Variants in LRRIQ1 observed in about 807,000 individuals in gnomAD.
The protein encoded by LRRIQ1 is leucine-rich repeat- and IQ domain-containing protein 1.
In LRRIQ1, 210 loss-of-function variants were observed where a neutral mutation model predicts 211.9. That is an observed-to-expected ratio of 0.99 (90% confidence interval 0.89 to 1.11). The LOEUF (loss-of-function observed/expected upper bound fraction) is 1.11, where lower values mean the gene tolerates loss of function less well. LRRIQ1 is among the 50% of genes most tolerant of loss of function. LRRIQ1 has a pLI of 0.00. For missense variants in LRRIQ1, 2,136 were observed against 1,939.5 expected, an observed-to-expected ratio of 1.10 and a Z score of -1.90; for synonymous variants, 699 against 650.1, an observed-to-expected ratio of 1.08 and a Z score of -1.14.
chr12:85,129,624 A>C (rs1184515438), intron 18 of LRRIQ1, among the ~76,000 whole-genome samples: 2 of 152,184 alleles, frequency 1.3e-5, no homozygotes, highest in Non-Finnish European at 2.9e-5. Flanking sequence ...TGTGGGAAGA[A>C]TATTCGAGGC....
chr12:85,205,591 T>C (rs1186824069), intron 24 of LRRIQ1, among the ~76,000 whole-genome samples: 1 of 152,100 alleles, frequency 6.6e-6, no homozygotes, highest in Non-Finnish European at 1.5e-5. Context: ...AGGGTCTCCT[T>C]ATGTAGTATT....
downstream of LRRIQ1, among the ~76,000 whole-genome samples, chr12:85,248,254 AAC>A (rs1393479455): frequency 2.8e-4 from 43 of 151,694 alleles, no homozygotes; most frequent in East Asian, 7.7e-4. Context: ...AAACTCAGGA[AAC>A]TAACTAATTT....
intron 1 of LRRIQ1, among the ~76,000 whole-genome samples, chr12:85,253,883 A>G (rs1178758832): frequency 3.3e-5 from 5 of 152,066 alleles, no homozygotes; most frequent in Admixed American, 3.3e-4. Flanking sequence ...TTCTATTTCT[A>G]ATATATATCT....
chr12:85,161,066 T>G (rs1890847268), intron 24 of LRRIQ1, among the ~76,000 whole-genome samples: 1 of 152,092 alleles, frequency 6.6e-6, no homozygotes, highest in Non-Finnish European at 1.5e-5. Context: ...CATGTCGAAA[T>G]GATATTCTGT....
rs1299975231 is a variant in LRRIQ1 at position 85,055,879 on chromosome 12, AG to A, written c.1087del (p.Glu363AsnfsTer9). ...KEEERKRREK[E>X]YEEKKNIVKQ... ...AAGAGGAAAGGAAAAGGAGAGAAAA[AG>A]AATATGAAGAAAAAAAGAATATTGT... On this transcript the variant is annotated frameshift_variant, in exon 8 of 27. Coordinates refer to ENST00000393217, the MANE Select transcript of LRRIQ1 (RefSeq NM_001079910.2). LOFTEE classifies it high-confidence loss of function. The A allele has an allele frequency of 1.3e-6, 2 of 1,593,928 alleles. No individual in the cohort carries two copies. Among genetic ancestry groups the A allele is most frequent in the African/African-American group, 2.7e-5 (2 of 73,408 alleles).
At chr12:85,067,412 A>G (rs1474912871) in intron 10 of LRRIQ1, among the ~76,000 whole-genome samples, 1 of 151,932 alleles carries the variant, frequency 6.6e-6, no homozygotes, top group South Asian at 2.1e-4. Context: ...ACATGTAACT[A>G]TATTGACTTC....
chr12:85,170,228 G>A (rs1241468373), intron 24 of LRRIQ1, among the ~76,000 whole-genome samples: 1 of 149,520 alleles, frequency 6.7e-6, no homozygotes, highest in African/African-American at 2.5e-5. Flanking sequence ...GAATATTTGT[G>A]TTCTATTCCA....
At chr12:85,217,508 A>ATATATG (rs1216212048) in intron 24 of LRRIQ1, among the ~76,000 whole-genome samples, 24 of 64,256 alleles carry the variant, frequency 3.7e-4, no homozygotes, top group African/African-American at 5.7e-4. Context: ...ATATATATAT[A>ATATATG]TGTGTGTGTG....
intron 2 of LRRIQ1, 126 bp downstream of exon 2, chr12:85,038,434 T>C (rs1253245456): frequency 4.2e-6 from 2 of 471,102 alleles, no homozygotes; most frequent in Non-Finnish European, 6.3e-6. Context: ...TATATAAATA[T>C]AAATTATATT....
intron 14 of LRRIQ1, among the ~76,000 whole-genome samples, chr12:85,104,326 C>T (rs1189347127): frequency 6.6e-6 from 1 of 151,898 alleles, no homozygotes; most frequent in Admixed American, 6.6e-5. Flanking sequence ...ACATCTTTTA[C>T]TTATGAAATA....
chr12:85,088,962 A>G (rs975748822), intron 11 of LRRIQ1, among the ~76,000 whole-genome samples: 1 of 152,178 alleles, frequency 6.6e-6, no homozygotes, highest in Non-Finnish European at 1.5e-5. Context: ...CCCTGGCCAA[A>G]ACTTCCAACA....
intron 24 of LRRIQ1, among the ~76,000 whole-genome samples, chr12:85,190,810 G>A (rs1892476881): frequency 6.6e-6 from 1 of 151,862 alleles, no homozygotes; most frequent in Non-Finnish European, 1.5e-5. Context: ...GTCTTTAGTA[G>A]ATGATAACTT....
rs369484707 is a variant in LRRIQ1 at position 85,098,955 on chromosome 12, G to A, written c.3170G>A (p.Trp1057Ter). The change falls in exon 13 of 27, where the codon TGG becomes TAG. Residue 1057 changes from tryptophan to a stop codon, truncating the protein, a stop_gained. Coordinates refer to ENST00000393217, the MANE Select transcript of LRRIQ1 (RefSeq NM_001079910.2). LOFTEE classifies it high-confidence loss of function. ...ISTVEAFSSY[W>*]LPLLQNITIS... ...ACTGTGGAAGCATTTTCTTCATACT[G>A]GCTGCCTTTACTACAAAATATTACT... The A allele has an allele frequency of 5.6e-5, 88 of 1,571,054 alleles. No homozygotes were observed. Among genetic ancestry groups the A allele is most frequent in the Non-Finnish European group, 7.2e-5 (83 of 1,155,772 alleles).
At chr12:85,083,769 C>T (rs1170680766) in intron 11 of LRRIQ1, among the ~76,000 whole-genome samples, 2 of 152,020 alleles carry the variant, frequency 1.3e-5, no homozygotes, top group African/African-American at 4.8e-5. Context: ...TTAATACCTG[C>T]CTATTGTCTA....
At position 85,244,865 on chromosome 12, in the gene LRRIQ1, G is replaced by C; in HGVS notation, c.5093G>C (p.Arg1698Thr). Residue 1698 changes from arginine (R) to threonine (T), a missense_variant, in exon 27 of 27, where the codon AGA becomes ACA. Transcript: ENST00000393217. ...AATGGAAGTGCTTTGTCTGTGAACA[G>C]AGAAAAAAAAAATCAGGCACACAGA... Reference protein sequence around the residue: ...MTNGSALSVNREKKNQAHRHS... With the variant: ...MTNGSALSVNTEKKNQAHRHS... 1 of 1,598,944 alleles carries C rather than the reference G, an allele frequency of 6.3e-7. No individual in the cohort carries two copies. The highest frequency in any genetic ancestry group is 1.1e-5 in the South Asian group (1 of 90,408).
At chr12:85,106,646 T>C (rs753582819) in intron 15 of LRRIQ1, 31 bp downstream of exon 15, 19 of 1,399,236 alleles carry the variant, frequency 1.4e-5, no homozygotes, top group Non-Finnish European at 1.9e-5. Flanking sequence ...CCCATGTATA[T>C]CCATTATTAT....
At chr12:85,156,726 T>C (rs924046580) in intron 23 of LRRIQ1, among the ~76,000 whole-genome samples, 1 of 151,846 alleles carries the variant, frequency 6.6e-6, no homozygotes, top group African/African-American at 2.4e-5. Context: ...ATATCTTACA[T>C]AGACAACTTG....
At chr12:85,248,137 A>G (rs1053826135), downstream of LRRIQ1, among the ~76,000 whole-genome samples, 1 of 151,666 alleles carries the variant, frequency 6.6e-6, no homozygotes, top group African/African-American at 2.4e-5. Context: ...GCATTGCAAT[A>G]TATAATAATA....
chr12:85,099,953 T>C (rs1209991503), intron 13 of LRRIQ1, among the ~76,000 whole-genome samples: 1 of 151,906 alleles, frequency 6.6e-6, no homozygotes, highest in South Asian at 2.1e-4. Flanking sequence ...ATTTAAAATT[T>C]GACTTGAATT....
Sources: gnomAD v4.1 joint callset for allele counts (sites outside exome capture counted in the v4.1 genomes callset) on GRCh38, gnomAD v4.1.1 for gene constraint, MANE v1.5 for transcripts, NCBI Gene and HGNC (gene_info 2026-07-23, HGNC 2026-07-21) for gene names.